Variants in ELMOD1 observed in about 807,000 individuals in gnomAD.
ELMOD1 encodes the protein ELMO domain containing 1, also known as ELMO domain-containing protein 1.
Under a neutral mutation model 46.7 loss-of-function variants are expected in ELMOD1, and 21 were observed. The ratio of observed to expected loss-of-function variants is 0.45; its 90% confidence interval spans 0.32 to 0.65. ELMOD1 has a LOEUF of 0.65. ELMOD1 is among the 30% of genes least tolerant of loss of function. The pLI is 0.04. For synonymous variants in ELMOD1, 122 were observed against 138.2 expected (o/e 0.88, Z 0.82); for missense variants, 348 against 407.8 (o/e 0.85, Z 1.26).
chr11:107,608,247 T>C (rs1318231417), intron 1 of ELMOD1, among the ~76,000 whole-genome samples: 1 of 152,170 alleles, frequency 6.6e-6, no homozygotes, highest in African/African-American at 2.4e-5. Flanking sequence ...TAAAGGACCA[T>C]GGAACTTCTT....
At chr11:107,647,381 A>G (rs764604007) in intron 6 of ELMOD1, 87 bp from the exon 7 acceptor site, 7 of 1,303,066 alleles carry the variant, frequency 5.4e-6, no homozygotes, top group African/African-American at 1.5e-5. Context: ...CAGCTTTGCA[A>G]AGCTCCTCCT....
intron 2 of ELMOD1, 123 bp downstream of exon 2, chr11:107,618,329 T>C: frequency 1.8e-6 from 2 of 1,117,060 alleles, no homozygotes; most frequent in Non-Finnish European, 2.7e-6. Context: ...TTCTGTGAAA[T>C]AGCACTGCAT....
chr11:107,614,382 A>C (rs912972191), intron 1 of ELMOD1, among the ~76,000 whole-genome samples: 5 of 152,186 alleles, frequency 3.3e-5, no homozygotes, highest in African/African-American at 1.2e-4. Context: ...TCTGTTGCCC[A>C]GGCTGGAGTG....
At chr11:107,606,265 C>G (rs187040396) in intron 1 of ELMOD1, among the ~76,000 whole-genome samples, 1 of 152,328 alleles carries the variant, frequency 6.6e-6, no homozygotes, top group African/African-American at 2.4e-5. Context: ...GAATCTGATA[C>G]TTGGCCCATC....
chr11:107,646,452 T>C (rs1261294575), intron 6 of ELMOD1, among the ~76,000 whole-genome samples: 1 of 152,158 alleles, frequency 6.6e-6, no homozygotes, highest in Admixed American at 6.5e-5. Context: ...AAATGAAACT[T>C]GGCCGGGTGT....
intron 11 of ELMOD1, among the ~76,000 whole-genome samples, chr11:107,662,583 C>A (rs1311004040): frequency 6.7e-6 from 1 of 148,710 alleles, no homozygotes; most frequent in Non-Finnish European, 1.5e-5. Flanking sequence ...GCACTCCAGC[C>A]TGGGCAACAA....
chr11:107,665,074 G>T lies in ELMOD1; in HGVS notation c.882G>T (p.Met294Ile), dbSNP rs748098287. ...AGTTTTGGATCGAAGAGGACCCCAT[G>T]GACATAATGGAATTTAATCGTGTGA... ...FHKFWIEEDP[M>I]DIMEFNRVRE... The change falls in exon 12 of 12, where the codon ATG becomes ATT. Residue 294 changes from methionine to isoleucine, a missense_variant. Transcript: ENST00000265840. 1 of 1,613,814 alleles carries T rather than the reference G, an allele frequency of 6.2e-7. No homozygotes were observed. The highest frequency in any genetic ancestry group is 1.3e-5 in the African/African-American group (1 of 75,002).
At chr11:107,607,936 T>G (rs1310445592) in intron 1 of ELMOD1, among the ~76,000 whole-genome samples, 1 of 151,740 alleles carries the variant, frequency 6.6e-6, no homozygotes, top group African/African-American at 2.4e-5. Flanking sequence ...AAAGTCAAAT[T>G]GTGTGTGAAC....
At chr11:107,656,158 C>T (rs1392043787) in intron 11 of ELMOD1, 92 bp downstream of exon 11, 11 of 1,362,138 alleles carry the variant, frequency 8.1e-6, no homozygotes, top group Middle Eastern at 2.5e-4. Context: ...GAGGCCAAGG[C>T]GAGTGGATTG....
At chr11:107,592,889 T>A (rs896935202) in intron 1 of ELMOD1, 1 of 152,724 alleles carries the variant, frequency 6.5e-6, no homozygotes. Context: ...TGGTTCTCTT[T>A]TGCAGAAAAA....
At chr11:107,643,048 A>G in intron 6 of ELMOD1, 1 of 231,420 alleles carries the variant, frequency 4.3e-6, no homozygotes. Flanking sequence ...GGAGTAATAA[A>G]AAGAAGCATG....
At position 107,624,981 on chromosome 11, in the gene ELMOD1, G is replaced by A. The variant is rs908353519; in HGVS notation, c.18-5436G>A. Among the ~76,000 whole-genome samples, 4 of 152,034 alleles carry A rather than the reference G, an allele frequency of 2.6e-5. No individual in the cohort carries two copies. The East Asian group carries it at 7.7e-4, about 29-fold the overall frequency. ...AAAGAATAATGTGAAAAAACCACAG[G>A]GCCCCACACTATCTGGGCGTGGGAT... is the stretch of plus-strand genomic sequence containing the variant. On this transcript the variant is annotated intron_variant, in intron 2 of 11. Coordinates refer to ENST00000265840, the MANE Select transcript of ELMOD1 (RefSeq NM_018712.4).
At chr11:107,656,627 A>G (rs994940229) in intron 11 of ELMOD1, among the ~76,000 whole-genome samples, 2 of 150,654 alleles carry the variant, frequency 1.3e-5, no homozygotes, top group African/African-American at 4.9e-5. Flanking sequence ...TTCTCATTCA[A>G]AAATCTACAC....
chr11:107,615,384 C>T (rs1395879532), intron 1 of ELMOD1, among the ~76,000 whole-genome samples: 7 of 151,726 alleles, frequency 4.6e-5, no homozygotes, highest in South Asian at 2.1e-4. Flanking sequence ...TACAGGCACG[C>T]GCTGCCACAC....
At chr11:107,602,352 C>T (rs761056973) in intron 1 of ELMOD1, among the ~76,000 whole-genome samples, 22 of 152,034 alleles carry the variant, frequency 1.4e-4, no homozygotes, top group Non-Finnish European at 3.1e-4. Flanking sequence ...CTTTTTGATC[C>T]GGAGACTCAT....
intron 5 of ELMOD1, among the ~76,000 whole-genome samples, chr11:107,633,346 A>G (rs1591122364): frequency 6.6e-6 from 1 of 152,240 alleles, no homozygotes; most frequent in Admixed American, 6.5e-5. Context: ...AACTGTTACT[A>G]CTATTAACCT....
At chr11:107,614,273 T>C (rs57444070) in intron 1 of ELMOD1, among the ~76,000 whole-genome samples, 9,687 of 152,326 alleles carry the variant, frequency 0.064, 548 homozygotes, top group African/African-American at 0.16. Context: ...TGGTATCCTA[T>C]ATCTATAATT....
chr11:107,656,864 C>T (rs928420323), intron 11 of ELMOD1, among the ~76,000 whole-genome samples: 2 of 151,928 alleles, frequency 1.3e-5, no homozygotes, highest in Non-Finnish European at 2.9e-5. Context: ...AGTTGAAACT[C>T]TCCTAGAAAG....
chr11:107,650,203 G>T, intron 7 of ELMOD1, 132 bp from the exon 8 acceptor site: 1 of 580,342 alleles, frequency 1.7e-6, no homozygotes. Flanking sequence ...TTCCCTGGAG[G>T]AGCTGAAACA....
Sources: allele counts gnomAD v4.1 joint callset (sites outside exome capture counted in the v4.1 genomes callset), GRCh38; gene constraint gnomAD v4.1.1; transcripts MANE v1.5; gene names NCBI Gene and HGNC (gene_info 2026-07-23, HGNC 2026-07-21).